Variants in ACOX1 observed in about 807,000 individuals in gnomAD.
The protein encoded by ACOX1 is peroxisomal acyl-coenzyme A oxidase 1.
In ACOX1, 41 loss-of-function variants were observed where a neutral mutation model predicts 75.5. The observed-to-expected ratio is 0.54, with a 90% CI of 0.42 to 0.70. ACOX1 has a LOEUF of 0.70. Ranked by LOEUF, ACOX1 falls within the 30% of genes least tolerant of loss-of-function variation. The probability of loss-of-function intolerance (pLI) is 0.00; values close to 1 mark genes in which losing one functional copy is unlikely to be tolerated. For synonymous variants in ACOX1, 303 were observed against 298.8 expected, an observed-to-expected ratio of 1.01 and a Z score of -0.15; for missense variants, 630 against 837.5, an observed-to-expected ratio of 0.75 and a Z score of 3.06.
chr17:75,955,981 C>T lies in ACOX1; in HGVS notation c.539-34G>A, dbSNP rs182600072. 2.5e-4 allele frequency: 405 copies of T among 1,609,354 alleles called. 2 individuals carry two copies. In the East Asian group the frequency reaches 7.8e-3, roughly 31 times the overall value. ...TCAAAGAGAACAAGGGAGGGGTGGG[C>T]AAACGTTCATACATTTTTAAAGGGT... On this transcript the variant is annotated intron_variant, in intron 4 of 13. Transcript: ENST00000293217.
chr17:75,946,311 G>C lies in ACOX1; in HGVS notation c.*437C>G. Reference sequence around the variant, plus strand: ...TCCTGCTTTTAAGCCAGGCCCCAGGGTAAGTCTGGTAGAACACTGAGCAGG... The same window carrying C: ...TCCTGCTTTTAAGCCAGGCCCCAGGCTAAGTCTGGTAGAACACTGAGCAGG... On this transcript the variant is annotated 3_prime_UTR_variant, in exon 14 of 14. Transcript: ENST00000293217. The C allele has an allele frequency of 4.9e-6, 1 of 204,156 alleles. No individual in the cohort carries two copies. The highest frequency in any genetic ancestry group is 7.2e-5 in the South Asian group (1 of 13,964). The allele number at this position is 204,156 out of a possible 1,614,324, so 12.6% of individuals were successfully genotyped here.
intron 8 of ACOX1, 147 bp from the exon 9 acceptor site, chr17:75,951,111 C>A (rs2144241385): frequency 1.1e-6 from 1 of 928,630 alleles, no homozygotes; most frequent in Non-Finnish European, 1.7e-6. Context: ...AGCTGTCCGA[C>A]TGGCCAGAAG....
At chr17:75,958,612 T>G (rs142505024) in intron 3 of ACOX1, among the ~76,000 whole-genome samples, 13 of 151,346 alleles carry the variant, frequency 8.6e-5, no homozygotes, top group South Asian at 4.2e-4. Context: ...ATCGAGACCA[T>G]CCTGGTTAAC....
At chr17:75,973,500 T>A in intron 2 of ACOX1, 1 of 1,057,290 alleles carries the variant, frequency 9.5e-7, no homozygotes, top group South Asian at 1.3e-5. Flanking sequence ...AGAAGTTGAA[T>A]TTTGACTTAA....
intron 2 of ACOX1, among the ~76,000 whole-genome samples, chr17:75,964,178 CAAAAAA>C (rs60919786): frequency 1.2e-5 from 1 of 84,502 alleles, no homozygotes; most frequent in African/African-American, 4.2e-5. Context: ...GACTCCATCT[CAAAAAA>C]AAAAAAAAAA....
Position 75,949,805 on chromosome 17 carries a change from T to C in ACOX1, c.1391A>G (p.Gln464Arg). 1 of 1,614,220 alleles carries C rather than the reference T, an allele frequency of 6.2e-7. No homozygotes were observed. The highest frequency in any genetic ancestry group is 8.5e-7 in the Non-Finnish European group (1 of 1,180,038). ...TGGCCAGACTGCTACCTGCTGTGGCTGGATGCGCTGACTGGGCAGGTCGTT... is the reference window on the plus strand; with the variant it reads ...TGGCCAGACTGCTACCTGCTGTGGCCGGATGCGCTGACTGGGCAGGTCGTT... ...YLNDLPSQRI[Q>R]PQQVAVWPTM... is the part of the protein sequence containing the mutation. Residue 464 changes from glutamine to arginine, a missense_variant, in exon 10 of 14, where the codon CAG (glutamine) becomes CGG (arginine). By Grantham distance (43) the Gln-to-Arg change is conservative (BLOSUM62 1). Coordinates refer to ENST00000293217, the MANE Select transcript of ACOX1 (RefSeq NM_004035.7).
rs1380514218 is a variant in ACOX1 at position 75,949,920 on chromosome 17, C to T, written c.1299-23G>A. 5 of 1,613,272 alleles carry T rather than the reference C, an allele frequency of 3.1e-6. No homozygotes were observed. In the African/African-American group the frequency reaches 6.7e-5, roughly 22 times the overall value. On this transcript the variant is annotated intron_variant, in intron 9 of 13. Transcript: ENST00000293217. Reference sequence around the variant, plus strand: ...AACCTAAAAGTCACCAGTAAACATGCTTTTAGTAACTCTACTTTCTTTTGT... The same window carrying T: ...AACCTAAAAGTCACCAGTAAACATGTTTTTAGTAACTCTACTTTCTTTTGT...
In ACOX1 at chr17:75,942,315, C is replaced by T. The variant is rs1251137998; in HGVS notation, c.*4433G>A. 1 of 151,452 alleles carries T rather than the reference C, an allele frequency of 6.6e-6. No individual in the cohort carries two copies. Among genetic ancestry groups the T allele is most frequent in the African/African-American group, 2.4e-5 (1 of 41,104 alleles). 9.4% of individuals were successfully genotyped at this position (151,452 alleles called of 1,614,324 possible). On this transcript the variant is annotated 3_prime_UTR_variant, in exon 14 of 14. Coordinates refer to ENST00000293217, the MANE Select transcript of ACOX1 (RefSeq NM_004035.7). ...GGCATGGTGGCAGGCGCTGTAATCC[C>T]AGCTTCTCAGGAGGCTGAGGCAGAG...
chr17:75,957,387 A>G (rs2065843271), intron 4 of ACOX1, 72 bp downstream of exon 4: 2 of 1,341,818 alleles, frequency 1.5e-6, no homozygotes, highest in Admixed American at 1.7e-5. Context: ...TTATCATAAA[A>G]GCTCTACATT....
At chr17:75,975,050 CAAA>C (rs1022347068) in intron 2 of ACOX1, among the ~76,000 whole-genome samples, 12 of 40,270 alleles carry the variant, frequency 3.0e-4, no homozygotes, top group Non-Finnish European at 4.3e-4. Context: ...ACTCTGTCTC[CAAA>C]AAAAAAAAAA....
intron 2 of ACOX1, among the ~76,000 whole-genome samples, chr17:75,972,642 T>C (rs2066007802): frequency 9.0e-6 from 1 of 111,054 alleles, no homozygotes. Flanking sequence ...CAAAACTCTG[T>C]CTCAAAAAAA....
Position 75,949,576 on chromosome 17 carries a change from GT to G in ACOX1, c.1502del (p.Asn501ThrfsTer6). On this transcript the variant is annotated frameshift_variant, in exon 11 of 14. Transcript: ENST00000293217. LOFTEE classifies it high-confidence loss of function. ...TTCTGTGAATCACTTCTTTTTGAAG[GT>G]TTTTTGCAGCAATTTCTACTAATCT... Reference protein sequence around the residue: ...AARLVEIAAKNLQKEVIHRKS... With the variant: ...AARLVEIAAKXLQKEVIHRKS... The G allele has an allele frequency of 1.2e-6, 2 of 1,614,146 alleles. No homozygotes were observed. The highest frequency in any genetic ancestry group is 1.7e-6 in the Non-Finnish European group (2 of 1,180,020).
Position 75,947,248 on chromosome 17 carries a change from G to GTTT in ACOX1, c.1936-456_1936-454dup, listed in dbSNP as rs55857840. Among the ~76,000 whole-genome samples, 74 of 137,580 alleles carry GTTT rather than the reference G, an allele frequency of 5.4e-4. 1 individual carries two copies. Among genetic ancestry groups the GTTT allele is most frequent in the Middle Eastern group, 4.2e-3 (1 of 238 alleles). 90.3% of individuals were successfully genotyped at this position (137,580 alleles called of 152,430 possible). A position where few individuals can be genotyped will look rare whatever the true frequency, so the allele number is the denominator to read the frequency against. On this transcript the variant is annotated intron_variant, in intron 13 of 13. Transcript: ENST00000293217. ...ATGGATAAAATTATCTGATGTCTTA[G>GTTT]TTTTTTTTTTTTTTTTGAAACGGAG...
Position 75,949,236 on chromosome 17 carries a change from T to A in ACOX1, c.1709A>T (p.Asn570Ile). The part of the protein sequence containing the change: ...LLYSLYGISQ[N>I]AGDFLQGSIM... ...ACTGACCTGAAGGAAATCCCCCGCG[T>A]TCTGACTGATTCCATACAGAGAATA... Residue 570 changes from asparagine to isoleucine, a missense_variant, in exon 12 of 14, where the codon AAC (asparagine) becomes ATC (isoleucine). Coordinates refer to ENST00000293217, the MANE Select transcript of ACOX1 (RefSeq NM_004035.7). 6.2e-7 allele frequency: 1 copy of A among 1,614,226 alleles called. No individual in the cohort carries two copies. Among genetic ancestry groups the A allele is most frequent in the East Asian group, 2.2e-5 (1 of 44,888 alleles).
Position 75,951,508 on chromosome 17 carries a change from G to T in ACOX1, c.1014C>A (p.Ala338=), listed in dbSNP as rs2065773793. 1 of 1,614,038 alleles carries T rather than the reference G, an allele frequency of 6.2e-7. No homozygotes were observed. The highest frequency in any genetic ancestry group is 1.3e-5 in the African/African-American group (1 of 74,914). ...ATGCGCCCACAAACTGGAAGGCATA[G>T]GCAGTGGCCAGGAGTGGAAAGAGTT... ...QYKLFPLLAT[A]YAFQFVGAYM... is the part of the protein sequence containing the mutation. Residue 338 remains alanine, a synonymous_variant, in exon 8 of 14, where the codon GCC becomes GCA. Transcript: ENST00000293217.
chr17:75,948,333 C>A lies in ACOX1; in HGVS notation c.1853G>T (p.Gly618Val). Residue 618 changes from glycine to valine, a missense_variant, in exon 13 of 14, where the codon GGC (glycine) becomes GTC (valine). Around this residue, in one of 2 missense-constraint regions of ACOX1, gnomAD observed 240 missense variants for 262.7 expected, o/e 0.91. Transcript: ENST00000293217. ...DAFDFQDVTL[G>V]SVLGRYDGNV... ...CCCATCATAGCGGCCAAGCACAGAG[C>A]CAAGTGTCACATCCTGAAAATCAAA... 1 of 1,614,128 alleles carries A rather than the reference C, an allele frequency of 6.2e-7. No individual in the cohort carries two copies. Among genetic ancestry groups the A allele is most frequent in the Non-Finnish European group, 8.5e-7 (1 of 1,180,028 alleles).
In ACOX1 at chr17:75,945,567, T is replaced by A. The variant is rs1386784156; in HGVS notation, c.*1181A>T. ...TAGATTAAAAAAAAACAAAACAAAG[T>A]GACTTACATTGACTTTAAGAAAAAA... On this transcript the variant is annotated 3_prime_UTR_variant, in exon 14 of 14. Coordinates refer to ENST00000293217, the MANE Select transcript of ACOX1 (RefSeq NM_004035.7). The A allele has an allele frequency of 6.5e-6, 1 of 153,398 alleles. No homozygotes were observed. Among genetic ancestry groups the A allele is most frequent in the African/African-American group, 2.4e-5 (1 of 41,372 alleles). 9.5% of individuals were successfully genotyped at this position (153,398 alleles called of 1,614,324 possible).
rs558888485 is a variant in ACOX1 at position 75,958,700 on chromosome 17, C to G, written c.431-1134G>C. ...GTGGGTGCCTGTAGTCCCAGCTACT[C>G]GGGAGGCTGAGGCAGGAGAATGGCG... On this transcript the variant is annotated intron_variant, in intron 3 of 13. Transcript: ENST00000293217. 7.5e-5 allele frequency among the ~76,000 whole-genome samples: 11 copies of G among 147,024 alleles called. No homozygotes were observed. In the Admixed American group the frequency reaches 7.5e-4, roughly 10 times the overall value.
chr17:75,970,020 A>G (rs1056707320), intron 2 of ACOX1, among the ~76,000 whole-genome samples: 1 of 151,938 alleles, frequency 6.6e-6, no homozygotes, highest in Non-Finnish European at 1.5e-5. Context: ...CCCTGTCTCT[A>G]CTAAAAATAT....
Sources: allele counts gnomAD v4.1 joint callset (sites outside exome capture counted in the v4.1 genomes callset), GRCh38; gene constraint gnomAD v4.1.1; regional missense constraint gnomAD v4.1.1; transcripts MANE v1.5; gene names NCBI Gene and HGNC (gene_info 2026-07-23, HGNC 2026-07-21).